Variants in DSC3 observed in about 807,000 individuals in gnomAD.
DSC3 encodes desmocollin-3.
A neutral mutation model predicts 89.5 loss-of-function variants in DSC3; 97 were observed. That is an observed-to-expected ratio of 1.08 (90% confidence interval 0.92 to 1.28). The LOEUF is 1.28. Among genes scored for constraint, DSC3 ranks in the 50% most tolerant of loss-of-function variants. The pLI, the probability that DSC3 is intolerant of heterozygous loss-of-function variation, is 0.00. For synonymous variants in DSC3, 436 were observed against 384.1 expected, an observed-to-expected ratio of 1.14 and a Z score of -1.58; for missense variants, 1,199 against 1,085.3, an observed-to-expected ratio of 1.10 and a Z score of -1.47.
intron 7 of DSC3, 146 bp downstream of exon 7, chr18:31,022,190 A>G (rs910825164): frequency 1.0e-6 from 1 of 1,004,212 alleles, no homozygotes; most frequent in South Asian, 1.8e-5. Context: ...AATAATATAA[A>G]AAACAGAAAA....
intron 9 of DSC3, among the ~76,000 whole-genome samples, chr18:31,014,618 T>G (rs999896892): frequency 2.0e-5 from 3 of 152,168 alleles, no homozygotes; most frequent in African/African-American, 7.2e-5. Context: ...GGTTAAGCAC[T>G]TGGCAAAGTG....
chr18:31,008,122 G>A lies in DSC3; in HGVS notation c.1557C>T (p.Thr519=). The A allele has an allele frequency of 6.2e-7, 1 of 1,612,056 alleles. No homozygotes were observed. Among genetic ancestry groups the A allele is most frequent in the Non-Finnish European group, 8.5e-7 (1 of 1,179,138 alleles). The change falls in exon 11 of 16, where the codon ACC becomes ACT. Residue 519 remains threonine (T), a synonymous_variant. Transcript: ENST00000360428. Reference sequence around the variant, plus strand: ...TGATTGACCCTGAAATTTCATCAATGGTGATCCAACCTTTAGGATCATGCA... The same window carrying A: ...TGATTGACCCTGAAATTTCATCAATAGTGATCCAACCTTTAGGATCATGCA... The part of the protein sequence containing the change: ...KKLHDPKGWI[T]IDEISGSIIT...
rs1490611331 is a variant in DSC3 at position 31,010,315 on chromosome 18, C to A, written c.1264-1790G>T. Among the ~76,000 whole-genome samples, 8 of 152,148 alleles carry A rather than the reference C, an allele frequency of 5.3e-5. No homozygotes were observed. The East Asian group carries it at 1.5e-3, about 29-fold the overall frequency. On this transcript the variant is annotated intron_variant, in intron 9 of 15. Transcript: ENST00000360428. ...CTGATGAATACTGTTTCACACATTT[C>A]ATGTGCTGGTGTGATCACACAGAGA... is the stretch of plus-strand genomic sequence containing the variant.
chr18:31,019,773 G>A (rs1043720183), intron 7 of DSC3, among the ~76,000 whole-genome samples: 14 of 152,140 alleles, frequency 9.2e-5, no homozygotes, highest in African/African-American at 3.4e-4. Context: ...CTGAGCGACA[G>A]AGCTAGATCT....
chr18:31,032,119 G>C, intron 2 of DSC3, 73 bp downstream of exon 2: 1 of 1,055,012 alleles, frequency 9.5e-7, no homozygotes, highest in South Asian at 1.3e-5. Flanking sequence ...AAAAGGCAAA[G>C]GTATTATATC....
Position 31,031,627 on chromosome 18 carries a change from T to TA in DSC3, c.155-456_155-455insT, listed in dbSNP as rs1240396852. 7.2e-5 allele frequency among the ~76,000 whole-genome samples: 11 copies of TA among 152,282 alleles called. 1 individual carries two copies. Among genetic ancestry groups the TA allele is most frequent in the South Asian group, 2.1e-4 (1 of 4,828 alleles). ...TGTATGAGTTTGGTAAAGAGTCATGTTAGAAAAATCCAATCTCCGAAATTT... is the reference window on the plus strand; with the variant it reads ...TGTATGAGTTTGGTAAAGAGTCATGTATAGAAAAATCCAATCTCCGAAATTT... On this transcript the variant is annotated intron_variant, in intron 2 of 15. Transcript: ENST00000360428.
intron 9 of DSC3, among the ~76,000 whole-genome samples, chr18:31,015,607 T>A (rs1291032455): frequency 6.6e-6 from 1 of 152,200 alleles, no homozygotes; most frequent in Non-Finnish European, 1.5e-5. Flanking sequence ...ACAAAACCTC[T>A]GATATTAAAT....
Position 31,024,380 on chromosome 18 carries a change from A to C in DSC3, c.744T>G (p.Tyr248Ter), listed in dbSNP as rs748092939. Reference protein sequence around the residue: ...DNHPVFTEAIYNFEVLESSRP... With the variant: ...DNHPVFTEAI ...TACTACTTTCCAAAACTTCAAAATT[A>C]TAAATTGCTTCTGTGAAAACAGGGT... Residue 248 changes from tyrosine (Y) to a stop codon, truncating the protein, a stop_gained, in exon 6 of 16, where the codon TAT becomes TAG. Coordinates refer to ENST00000360428, the MANE Select transcript of DSC3 (RefSeq NM_001941.5). LOFTEE classifies it high-confidence loss of function. 2 of 1,607,534 alleles carry C rather than the reference A, an allele frequency of 1.2e-6. No homozygotes were observed. Among genetic ancestry groups the C allele is most frequent in the South Asian group, 2.2e-5 (2 of 90,168 alleles).
At chr18:31,021,875 C>T (rs1202338170) in intron 7 of DSC3, among the ~76,000 whole-genome samples, 1 of 151,986 alleles carries the variant, frequency 6.6e-6, no homozygotes, top group Non-Finnish European at 1.5e-5. Flanking sequence ...TATGCTATTA[C>T]TATCATCCAA....
At chr18:31,007,717 G>A (rs557385954) in intron 11 of DSC3, among the ~76,000 whole-genome samples, 2 of 152,180 alleles carry the variant, frequency 1.3e-5, no homozygotes, top group Non-Finnish European at 2.9e-5. Context: ...AACGGATGTG[G>A]AAGAGTCTGA....
chr18:31,042,182 T>C (rs1986155376), intron 1 of DSC3, among the ~76,000 whole-genome samples: 1 of 151,962 alleles, frequency 6.6e-6, no homozygotes, highest in African/African-American at 2.4e-5. Context: ...AGCCCCTAAA[T>C]CCCTTTTCAA....
intron 14 of DSC3, among the ~76,000 whole-genome samples, chr18:31,001,325 C>T (rs1011669452): frequency 2.6e-5 from 4 of 151,408 alleles, no homozygotes; most frequent in Non-Finnish European, 5.9e-5. Context: ...TGGAAATATA[C>T]ATTGTAGAGT....
chr18:31,032,587 TGTGCGTGTGCGTGTGCGTGTGC>T (rs1219179781), intron 1 of DSC3, among the ~76,000 whole-genome samples: 31 of 108,388 alleles, frequency 2.9e-4, no homozygotes, highest in African/African-American at 1.1e-3. Context: ...TGTGTGTGTG[TGTGCGTGTGCGTGTGCGTGTGC>T]GTGTGTGACT....
chr18:31,022,552 T>C (rs760398797), intron 6 of DSC3, 50 bp from the exon 7 acceptor site: 8 of 1,595,662 alleles, frequency 5.0e-6, no homozygotes, highest in Non-Finnish European at 6.9e-6. Context: ...TTGTTAAATA[T>C]ACTTTCAAAA....
intron 10 of DSC3, 28 bp from the exon 11 acceptor site, chr18:31,008,186 G>A: frequency 6.2e-7 from 1 of 1,606,668 alleles, no homozygotes; most frequent in Non-Finnish European, 8.5e-7. Flanking sequence ...ATAGTCTTTA[G>A]CATCAGAAAA....
intron 1 of DSC3, among the ~76,000 whole-genome samples, chr18:31,037,004 G>C (rs1985993724): frequency 6.6e-6 from 1 of 151,842 alleles, no homozygotes. Flanking sequence ...TGTTGGACAG[G>C]CTGGTCTTGA....
In DSC3 at chr18:31,004,122, A is replaced by G. The variant is rs750795591; in HGVS notation, c.2113+20T>C. 19 of 1,563,368 alleles carry G rather than the reference A, an allele frequency of 1.2e-5. No individual in the cohort carries two copies. The highest frequency in any genetic ancestry group is 1.7e-4 in the Middle Eastern group (1 of 5,960). On this transcript the variant is annotated intron_variant, in intron 13 of 15. Coordinates refer to ENST00000360428, the MANE Select transcript of DSC3 (RefSeq NM_001941.5). ...ATTTTTTATTATATATTTTAACTTCAAGAAAGTGAAAATACTTACAAAAGA... is the reference window on the plus strand; with the variant it reads ...ATTTTTTATTATATATTTTAACTTCGAGAAAGTGAAAATACTTACAAAAGA...
rs552990037 is a variant in DSC3, at chr18:30,992,844, G to C, written c.*1331C>G. On this transcript the variant is annotated 3_prime_UTR_variant, in exon 16 of 16. Coordinates refer to ENST00000360428, the MANE Select transcript of DSC3 (RefSeq NM_001941.5). ...GAGTCACTTAAGGGAATCTCTGCTG[G>C]AGGTGTTGCTTTAGCAGAAAGCCGA... 6.6e-6 allele frequency: 1 copy of C among 152,368 alleles called. No individual in the cohort carries two copies. The highest frequency in any genetic ancestry group is 1.9e-4 in the East Asian group (1 of 5,180). The allele number at this position is 152,368 out of a possible 1,614,324, so 9.4% of individuals were successfully genotyped here. A position where few individuals can be genotyped will look rare whatever the true frequency, so the allele number is the denominator to read the frequency against.
intron 4 of DSC3, among the ~76,000 whole-genome samples, chr18:31,027,241 A>T (rs746370777): frequency 1.4e-4 from 21 of 152,274 alleles, no homozygotes; most frequent in Non-Finnish European, 1.6e-4. Flanking sequence ...CAAATTTTGC[A>T]GAATCTCTTG....
Sources: allele counts gnomAD v4.1 joint callset (sites outside exome capture counted in the v4.1 genomes callset), GRCh38; gene constraint gnomAD v4.1.1; transcripts MANE v1.5; gene names NCBI Gene and HGNC (gene_info 2026-07-23, HGNC 2026-07-21).